The following TMEM63A variants were observed in gnomAD, a reference collection of about 807,000 sequenced individuals.
TMEM63A encodes the protein transmembrane protein 63A.
A neutral mutation model predicts 100.6 loss-of-function variants in TMEM63A; 76 were observed. The ratio of observed to expected loss-of-function variants is 0.76; its 90% CI spans 0.63 to 0.91. The LOEUF (loss-of-function observed/expected upper bound fraction) is 0.91. Ranked by LOEUF, TMEM63A falls within the 40% of genes least tolerant of loss-of-function variation. TMEM63A has a pLI of 0.00. For synonymous variants in TMEM63A, 401 were observed against 401.1 expected (o/e 1.00, Z 0.00); for missense variants, 876 against 1,008.8 (o/e 0.87, Z 1.78).
At chr1:225,847,967 G>A (rs1669104148) in intron 23 of TMEM63A, among the ~76,000 whole-genome samples, 1 of 152,142 alleles carries the variant, frequency 6.6e-6, no homozygotes, top group African/African-American at 2.4e-5. Context: ...CCCACCCTAG[G>A]AGCAGGACCC....
chr1:225,877,331 G>T, intron 3 of TMEM63A, 64 bp downstream of exon 3: 1 of 1,533,658 alleles, frequency 6.5e-7, no homozygotes, highest in Non-Finnish European at 8.8e-7. Context: ...TTCCCAGAAG[G>T]CCCTGGGTGG....
At chr1:225,847,722 T>C in intron 23 of TMEM63A, among the ~76,000 whole-genome samples, 1 of 152,204 alleles carries the variant, frequency 6.6e-6, no homozygotes, top group East Asian at 1.9e-4. Flanking sequence ...CTGTCCTGCA[T>C]GTTCCCTGCT....
At chr1:225,881,629 G>T (rs1671093677) in intron 1 of TMEM63A, among the ~76,000 whole-genome samples, 1 of 152,210 alleles carries the variant, frequency 6.6e-6, no homozygotes, top group Non-Finnish European at 1.5e-5. Context: ...TCAAGGGAGG[G>T]TCAGTGGGTC....
At position 225,865,268 on chromosome 1, in the gene TMEM63A, T is replaced by G. The variant is rs895236215; in HGVS notation, c.746+629A>C. 6.6e-6 allele frequency: 1 copy of G among 152,442 alleles called. No individual in the cohort carries two copies. The highest frequency in any genetic ancestry group is 1.5e-5 in the Non-Finnish European group (1 of 68,202). The allele number at this position is 152,442 out of a possible 1,614,324, so 9.4% of individuals were successfully genotyped here. A position where few individuals can be genotyped will look rare whatever the true frequency, so the allele number is the denominator to read the frequency against. On this transcript the variant is annotated intron_variant, in intron 10 of 24. Transcript: ENST00000366835. The surrounding 1 kb of genome is among the most constrained non-coding windows in gnomAD (Gnocchi z 4.6). ...TGCACCCCACCGCCACCTTTCCTGA[T>G]GCTCTGGGCCTTTCCCCGCATCCCT...
intron 21 of TMEM63A, 63 bp downstream of exon 21, chr1:225,849,849 T>G: frequency 6.3e-7 from 1 of 1,575,070 alleles, no homozygotes; most frequent in Non-Finnish European, 8.7e-7. Flanking sequence ...GGGATCTGAC[T>G]GGCTGGTGGG....
chr1:225,871,306 C>G (rs2102638603), intron 5 of TMEM63A, among the ~76,000 whole-genome samples, 193 bp from the exon 6 acceptor site: 1 of 152,358 alleles, frequency 6.6e-6, no homozygotes, highest in South Asian at 2.1e-4. Context: ...TTGCTAAAAT[C>G]TCCTGACAAC....
chr1:225,843,349 G>T (rs924602188), downstream of TMEM63A, among the ~76,000 whole-genome samples: 1 of 152,182 alleles, frequency 6.6e-6, no homozygotes. Context: ...CAAGGAAAGG[G>T]TGCTTGGAAA....
intron 23 of TMEM63A, 48 bp downstream of exon 23, chr1:225,848,444 A>C: frequency 1.9e-6 from 3 of 1,607,792 alleles, no homozygotes; most frequent in Non-Finnish European, 1.7e-6. Context: ...GTTACAACCA[A>C]AGCAAAAAAA....
At chr1:225,841,661 G>A (rs1376880292), downstream of TMEM63A, among the ~76,000 whole-genome samples, 2 of 145,768 alleles carry the variant, frequency 1.4e-5, no homozygotes, top group Non-Finnish European at 3.0e-5. Context: ...GAGTGCAGTG[G>A]TACGATCTCG....
intron 15 of TMEM63A, 144 bp from the exon 16 acceptor site, chr1:225,857,161 G>T: frequency 1.6e-6 from 1 of 615,812 alleles, no homozygotes; most frequent in Non-Finnish European, 2.7e-6. Context: ...ACTGTGCCAG[G>T]TACAGAGTTG....
chr1:225,881,248 C>G (rs1389430581), intron 1 of TMEM63A, among the ~76,000 whole-genome samples: 1 of 152,216 alleles, frequency 6.6e-6, no homozygotes, highest in Non-Finnish European at 1.5e-5. Context: ...CCACGCAGTT[C>G]AGACAAGCAG....
chr1:225,868,593 G>C (rs1272841847), intron 6 of TMEM63A, among the ~76,000 whole-genome samples: 1 of 152,030 alleles, frequency 6.6e-6, no homozygotes, highest in Non-Finnish European at 1.5e-5. Flanking sequence ...GGCTGAGGCA[G>C]GAGAATTGCT....
intron 9 of TMEM63A, 49 bp downstream of exon 9, chr1:225,866,525 C>T: frequency 6.4e-7 from 1 of 1,566,436 alleles, no homozygotes. Context: ...CACTCCGACT[C>T]CCACCTGAGT....
intron 10 of TMEM63A, among the ~76,000 whole-genome samples, chr1:225,863,322 T>C (rs960341853): frequency 2.0e-5 from 3 of 152,142 alleles, no homozygotes; most frequent in Non-Finnish European, 4.4e-5. Context: ...GCTGGGATTG[T>C]AGGCGTGAGT....
chr1:225,865,716 G>T lies in TMEM63A; in HGVS notation c.746+181C>A. ...GGGCGCTATTCACTGCACAGCACCA[G>T]CAGGGCTGGCACACAGGAGCCACTC... is the stretch of plus-strand genomic sequence containing the variant. On this transcript the variant is annotated intron_variant, in intron 10 of 24. Transcript: ENST00000366835. This position sits in a 1 kb window ranked among gnomAD's most constrained non-coding sequence, Gnocchi z 4.6. 1.6e-6 allele frequency: 1 copy of T among 618,758 alleles called. No homozygotes were observed. The highest frequency in any genetic ancestry group is 2.9e-6 in the Non-Finnish European group (1 of 349,890). 38.3% of individuals were successfully genotyped at this position (618,758 alleles called of 1,614,324 possible).
rs189180321 is a variant in TMEM63A at position 225,869,984 on chromosome 1, G to A, written c.371+1092C>T. 5.9e-5 allele frequency among the ~76,000 whole-genome samples: 9 copies of A among 152,108 alleles called. No homozygotes were observed. The East Asian group carries it at 1.7e-3, about 30-fold the overall frequency. ...CCATATTTCAACTCCTCTGAAATGA[G>A]GTGTACGCTATCGTTATAGTTGATG... On this transcript the variant is annotated intron_variant, in intron 6 of 24. Coordinates refer to ENST00000366835, the MANE Select transcript of TMEM63A (RefSeq NM_014698.3).
chr1:225,877,870 A>G (rs974112913), intron 2 of TMEM63A, among the ~76,000 whole-genome samples: 1 of 152,222 alleles, frequency 6.6e-6, no homozygotes, highest in African/African-American at 2.4e-5. Flanking sequence ...AGGGGGCGAC[A>G]TGGAGCAAAG....
chr1:225,866,383 A>G (rs1670209716), intron 9 of TMEM63A, 191 bp downstream of exon 9: 3 of 582,194 alleles, frequency 5.2e-6, no homozygotes, highest in Non-Finnish European at 9.1e-6. Context: ...CCAAATCTTG[A>G]AACAATCCAC....
rs763812477 is a variant in TMEM63A at position 225,860,882 on chromosome 1, C to T, written c.1201G>A (p.Ala401Thr). The change falls in exon 14 of 25, where the codon GCT becomes ACT. Residue 401 changes from alanine to threonine, a missense_variant. Around this residue, in one of 5 missense-constraint regions of TMEM63A, gnomAD observed 487 missense variants for 581.9 expected, o/e 0.84. Transcript: ENST00000366835. ...TACCAGCAGATGTCCTCAGGGTCAGCAGCAAAGGTGACTGTCCACTTGGAG... is the reference window on the plus strand; with the variant it reads ...TACCAGCAGATGTCCTCAGGGTCAGTAGCAAAGGTGACTGTCCACTTGGAG... ...YTSKWTVTFA[A>T]DPEDICWKNL... 8.7e-6 allele frequency: 14 copies of T among 1,611,142 alleles called. No homozygotes were observed. Among genetic ancestry groups the T allele is most frequent in the Non-Finnish European group, 1.2e-5 (14 of 1,178,720 alleles).
Sources: allele counts gnomAD v4.1 joint callset (sites outside exome capture counted in the v4.1 genomes callset), GRCh38; gene constraint gnomAD v4.1.1; regional missense constraint gnomAD v4.1.1; non-coding constraint Gnocchi (gnomAD v3.1); transcripts MANE v1.5; gene names NCBI Gene and HGNC (gene_info 2026-07-23, HGNC 2026-07-21).